The following CCNT2 variants were observed in gnomAD, a reference collection of about 807,000 sequenced individuals.
CCNT2 encodes the protein cyclin-T2.
In CCNT2, 18 loss-of-function variants were observed where a neutral mutation model predicts 70.0. That is an observed-to-expected ratio of 0.26 (90% CI 0.18 to 0.38). CCNT2 has a LOEUF of 0.38. Ranked by LOEUF, CCNT2 falls within the 10% of genes least tolerant of loss-of-function variation. The pLI is 1.00. For missense variants in CCNT2, 734 were observed against 890.2 expected, an observed-to-expected ratio of 0.82 and a Z score of 2.23; for synonymous variants, 334 against 313.3, an observed-to-expected ratio of 1.07 and a Z score of -0.70.
chr2:134,919,475 C>CT (rs1419243480), intron 1 of CCNT2, among the ~76,000 whole-genome samples: 2 of 152,052 alleles, frequency 1.3e-5, no homozygotes, highest in African/African-American at 4.8e-5. Flanking sequence ...TACTGGAGTT[C>CT]TTTATGTTCT....
intron 6 of CCNT2, among the ~76,000 whole-genome samples, chr2:134,946,760 A>G (rs976292902): frequency 3.3e-5 from 5 of 151,942 alleles, no homozygotes; most frequent in African/African-American, 1.2e-4. Context: ...TTATGGCTGA[A>G]CAGATAACAT....
chr2:134,947,028 G>A (rs1682029951), intron 6 of CCNT2, among the ~76,000 whole-genome samples: 1 of 152,112 alleles, frequency 6.6e-6, no homozygotes, highest in Non-Finnish European at 1.5e-5. Context: ...ATTCTGAACA[G>A]CAACATAAAA....
At chr2:134,926,748 C>T (rs936292798) in intron 2 of CCNT2, among the ~76,000 whole-genome samples, 1 of 152,124 alleles carries the variant, frequency 6.6e-6, no homozygotes, top group African/African-American at 2.4e-5. Context: ...TTTCCTCATT[C>T]GTATGTGTTA....
intron 4 of CCNT2, among the ~76,000 whole-genome samples, chr2:134,940,190 G>A (rs74997024): frequency 4.6e-5 from 7 of 151,980 alleles, no homozygotes; most frequent in East Asian, 1.9e-4. Flanking sequence ...CAGACTCTTC[G>A]TTACAAAACT....
In CCNT2 at chr2:134,949,805, G is replaced by T. The variant is rs527710123; in HGVS notation, c.703+1906G>T. Among the ~76,000 whole-genome samples, 81 of 139,518 alleles carry T rather than the reference G, an allele frequency of 5.8e-4. 2 individuals are homozygous for T. The highest frequency in any genetic ancestry group is 2.3e-4 in the East Asian group (1 of 4,274). 91.5% of individuals were successfully genotyped at this position (139,518 alleles called of 152,430 possible). A position where few individuals can be genotyped will look rare whatever the true frequency, so the allele number is the denominator to read the frequency against. ...TAGGTAGGCAAAATTTTTTTTTCGG[G>T]GGGGGGGTGGGGGACAGAGTCTCAG... is the stretch of plus-strand genomic sequence containing the variant. On this transcript the variant is annotated intron_variant, in intron 7 of 8. Coordinates refer to ENST00000264157, the MANE Select transcript of CCNT2 (RefSeq NM_058241.3).
At chr2:134,949,793 T>A (rs1195938512) in intron 7 of CCNT2, among the ~76,000 whole-genome samples, 1 of 103,254 alleles carries the variant, frequency 9.7e-6, no homozygotes, top group East Asian at 3.1e-4. Flanking sequence ...GTAGGCAAAA[T>A]TTTTTTTTCG....
In CCNT2 at chr2:134,959,091, A is replaced by G. The variant is rs376461739; in HGVS notation, c.*4443A>G. 1 of 151,452 alleles carries G rather than the reference A, an allele frequency of 6.6e-6. No individual in the cohort carries two copies. The highest frequency in any genetic ancestry group is 1.5e-5 in the Non-Finnish European group (1 of 67,858). The allele number at this position is 151,452 out of a possible 1,614,324, so 9.4% of individuals were successfully genotyped here. A position where few individuals can be genotyped will look rare whatever the true frequency, so the allele number is the denominator to read the frequency against. On this transcript the variant is annotated 3_prime_UTR_variant, in exon 9 of 9. Coordinates refer to ENST00000264157, the MANE Select transcript of CCNT2 (RefSeq NM_058241.3). ...TACATTCTTATTAAGTGATGAGTAC[A>G]TTCTTAATTTTAAGGTATGTTTTTT...
intron 2 of CCNT2, among the ~76,000 whole-genome samples, chr2:134,935,998 CCTTCAACAAGATAGTGAAGGTAT>C: frequency 6.6e-6 from 1 of 151,852 alleles, no homozygotes; most frequent in African/African-American, 2.4e-5. Context: ...TTTTTCTGTT[CCTTCAACAAGATAGTGAAGGTAT>C]CTTCACTATC....
At chr2:134,927,914 G>A (rs1323484231) in intron 2 of CCNT2, among the ~76,000 whole-genome samples, 1 of 152,082 alleles carries the variant, frequency 6.6e-6, no homozygotes, top group Non-Finnish European at 1.5e-5. Context: ...TCTTTATATG[G>A]CTATACATAA....
At chr2:134,940,205 T>G (rs533884952) in intron 4 of CCNT2, among the ~76,000 whole-genome samples, 1 of 152,304 alleles carries the variant, frequency 6.6e-6, no homozygotes, top group South Asian at 2.1e-4. Flanking sequence ...AAAACTAGTT[T>G]GTGTGAAATA....
At chr2:134,944,956 AGT>A in intron 5 of CCNT2, 1 of 985,304 alleles carries the variant, frequency 1.0e-6, no homozygotes, top group African/African-American at 1.7e-5. Flanking sequence ...ATTTCTGTGA[AGT>A]CTTTTTCTCC....
intron 2 of CCNT2, among the ~76,000 whole-genome samples, chr2:134,928,309 A>ATTTTTTTT (rs1680457642): frequency 3.8e-4 from 34 of 89,820 alleles, no homozygotes; most frequent in East Asian, 2.7e-3. Flanking sequence ...ACGGAGTTTC[A>ATTTTTTTT]TTCTTGTTGC....
chr2:134,931,968 T>A (rs1559095833), intron 2 of CCNT2, among the ~76,000 whole-genome samples: 1 of 152,144 alleles, frequency 6.6e-6, no homozygotes, highest in Non-Finnish European at 1.5e-5. Flanking sequence ...ATACTAAGTA[T>A]ACTTTATAAG....
At chr2:134,946,298 G>A (rs1289183364) in intron 6 of CCNT2, 152 bp downstream of exon 6, 2 of 1,212,818 alleles carry the variant, frequency 1.6e-6, no homozygotes, top group African/African-American at 1.5e-5. Flanking sequence ...GCGGTGTATT[G>A]TACAAGGGAC....
intron 5 of CCNT2, chr2:134,945,572 G>T: frequency 1.0e-6 from 1 of 985,318 alleles, no homozygotes; most frequent in South Asian, 4.7e-5. Context: ...CTGTTTCTAG[G>T]TTTATTCTCT....
rs757139153 is a variant in CCNT2 at position 134,954,115 on chromosome 2, A to G, written c.1660A>G (p.Arg554Gly). The change falls in exon 9 of 9, where the codon AGA becomes GGA. Residue 554 changes from arginine to glycine, a missense_variant. Around this residue, in one of 3 missense-constraint regions of CCNT2, gnomAD observed 532 missense variants for 556.9 expected, o/e 0.96. Coordinates refer to ENST00000264157, the MANE Select transcript of CCNT2 (RefSeq NM_058241.3). ...KSKHSSPHISRDHKEKHKEHP... is the reference protein window; with the variant it reads ...KSKHSSPHISGDHKEKHKEHP... ...CAAACATTCAAGCCCACATATTAGC[A>G]GAGACCATAAGGAGAAGCACAAGGA... 1 of 1,614,076 alleles carries G rather than the reference A, an allele frequency of 6.2e-7. No individual in the cohort carries two copies. Among genetic ancestry groups the G allele is most frequent in the East Asian group, 2.2e-5 (1 of 44,892 alleles).
chr2:134,935,984 G>A (rs1257977988), intron 2 of CCNT2, among the ~76,000 whole-genome samples: 2 of 151,836 alleles, frequency 1.3e-5, no homozygotes, highest in African/African-American at 4.8e-5. Context: ...TGCCCTCTAG[G>A]TGGTTTTTCT....
At chr2:134,944,929 A>G (rs570032492) in intron 5 of CCNT2, 9 of 984,168 alleles carry the variant, frequency 9.1e-6, no homozygotes, top group Middle Eastern at 1.0e-3. Flanking sequence ...TCGGAGGGGG[A>G]GGGGAAAATA....
Position 134,954,292 on chromosome 2 carries a change from A to G in CCNT2, c.1837A>G (p.Ser613Gly), listed in dbSNP as rs1559118232. 6.2e-7 allele frequency: 1 copy of G among 1,614,148 alleles called. No homozygotes were observed. Among genetic ancestry groups the G allele is most frequent in the East Asian group, 2.2e-5 (1 of 44,888 alleles). Residue 613 changes from serine (S) to glycine (G), a missense_variant, in exon 9 of 9, where the codon AGC (serine) becomes GGC (glycine). Around this residue, in one of 3 missense-constraint regions of CCNT2, gnomAD observed 532 missense variants for 556.9 expected, o/e 0.96. Coordinates refer to ENST00000264157, the MANE Select transcript of CCNT2 (RefSeq NM_058241.3). ...CCTGAGCAGTGATGGCATTTCCTCT[A>G]GCTCCAGCTCTTCAAGGAAGAGGCT... ...VGLSSDGISS[S>G]SSSSRKRLHV... is the part of the protein sequence containing the mutation.
Sources: gnomAD v4.1 joint callset for allele counts (sites outside exome capture counted in the v4.1 genomes callset) on GRCh38, gnomAD v4.1.1 for gene constraint, gnomAD v4.1.1 regional missense constraint, MANE v1.5 for transcripts, NCBI Gene and HGNC (gene_info 2026-07-23, HGNC 2026-07-21) for gene names.